CLASP1: variants seen among roughly 807,000 people sequenced by gnomAD.
CLASP1 encodes the protein CLIP-associating protein 1.
Under a neutral mutation model 192.3 loss-of-function variants are expected in CLASP1, and 38 were observed. The ratio of observed to expected loss-of-function variants is 0.20; its 90% CI spans 0.15 to 0.26. The LOEUF is 0.26. Ranked by LOEUF, CLASP1 falls within the 10% of genes least tolerant of loss-of-function variation. The pLI is 1.00. For missense variants in CLASP1, 1,433 were observed against 1,932.5 expected (o/e 0.74, Z 4.85); for synonymous variants, 691 against 712.8 (o/e 0.97, Z 0.49).
At chr2:121,549,479 C>T (rs956547551) in intron 2 of CLASP1, among the ~76,000 whole-genome samples, 3 of 152,012 alleles carry the variant, frequency 2.0e-5, no homozygotes, top group Non-Finnish European at 4.4e-5. Flanking sequence ...TACACTCCCA[C>T]AAAATAATAC....
At chr2:121,352,353 A>T (rs2064625853) in intron 37 of CLASP1, among the ~76,000 whole-genome samples, 1 of 152,168 alleles carries the variant, frequency 6.6e-6, no homozygotes, top group Non-Finnish European at 1.5e-5. Context: ...GCATGCCACC[A>T]ATGTACAGGA....
chr2:121,516,237 T>C (rs770673669), intron 6 of CLASP1, among the ~76,000 whole-genome samples: 9 of 152,120 alleles, frequency 5.9e-5, no homozygotes, highest in Non-Finnish European at 1.3e-4. Context: ...AAGAAGGAGA[T>C]TTTTAAAAAG....
chr2:121,596,451 G>A (rs2063153438), intron 2 of CLASP1, among the ~76,000 whole-genome samples: 1 of 152,172 alleles, frequency 6.6e-6, no homozygotes, highest in African/African-American at 2.4e-5. Flanking sequence ...CTCCTCTCAA[G>A]GACACAAGCG....
At chr2:121,342,275 C>T (rs2062875317) in intron 39 of CLASP1, among the ~76,000 whole-genome samples, 2 of 152,088 alleles carry the variant, frequency 1.3e-5, no homozygotes, top group South Asian at 4.1e-4. Context: ...GTGCACACCA[C>T]CATGCCCAGC....
intron 8 of CLASP1, among the ~76,000 whole-genome samples, chr2:121,498,201 C>CTTGTTTTTTTTTTTTTT (rs2093610505): frequency 8.4e-6 from 1 of 119,128 alleles, no homozygotes; most frequent in Non-Finnish European, 1.7e-5. Context: ...GTAATAGTTT[C>CTTGTTTTTTTTTTTTTT]TTTTTTTTTT....
At chr2:121,524,020 C>T (rs1486557464) in intron 6 of CLASP1, among the ~76,000 whole-genome samples, 1 of 152,214 alleles carries the variant, frequency 6.6e-6, no homozygotes, top group Non-Finnish European at 1.5e-5. Context: ...TGTTGTAGTT[C>T]TGGCTAGTGT....
chr2:121,554,020 C>A (rs1029973608), intron 2 of CLASP1, among the ~76,000 whole-genome samples: 1 of 151,402 alleles, frequency 6.6e-6, no homozygotes, highest in Non-Finnish European at 1.5e-5. Flanking sequence ...TCAAGATTAG[C>A]CTAGGCAACA....
At chr2:121,359,808 A>G (rs1423588253) in intron 37 of CLASP1, among the ~76,000 whole-genome samples, 1 of 152,210 alleles carries the variant, frequency 6.6e-6, no homozygotes, top group African/African-American at 2.4e-5. Flanking sequence ...TGGTGTCCAA[A>G]TCCTTCATCT....
exon 20 of CLASP1, chr2:121,430,099 C>T (rs771121083): frequency 9.5e-6 from 15 of 1,572,018 alleles, no homozygotes; most frequent in African/African-American, 1.4e-5. Flanking sequence ...CACTTTAGCG[C>T]GACTGCGGCC....
chr2:121,339,358 T>C (rs1352247889), exon 40 of CLASP1: 5 of 152,226 alleles, frequency 3.3e-5, no homozygotes, highest in Admixed American at 1.3e-4. Context: ...GTCCTAGCAG[T>C]TGCAGTGGGC....
chr2:121,475,844 T>C (rs1159866872), intron 8 of CLASP1, among the ~76,000 whole-genome samples: 1 of 152,208 alleles, frequency 6.6e-6, no homozygotes, highest in East Asian at 1.9e-4. Context: ...GGAGGGCCAC[T>C]TCTCTCATCT....
chr2:121,345,536 G>A (rs1343383325), intron 39 of CLASP1, among the ~76,000 whole-genome samples: 1 of 152,146 alleles, frequency 6.6e-6, no homozygotes. Flanking sequence ...GGTCCTCCTG[G>A]TCAGCAGGAA....
At chr2:121,469,986 G>C (rs777361973) in intron 8 of CLASP1, 26 bp from the exon 9 acceptor site, 1 of 1,580,024 alleles carries the variant, frequency 6.3e-7, no homozygotes, top group African/African-American at 1.4e-5. Flanking sequence ...AGAAACCAAC[G>C]TTTTTTTAAA....
At chr2:121,529,706 C>T (rs900212769) in intron 3 of CLASP1, among the ~76,000 whole-genome samples, 2 of 152,144 alleles carry the variant, frequency 1.3e-5, no homozygotes, top group African/African-American at 4.8e-5. Context: ...TGAACATTTA[C>T]TATACATTTG....
chr2:121,417,556 C>G (rs1373119311), intron 23 of CLASP1, among the ~76,000 whole-genome samples: 1 of 152,158 alleles, frequency 6.6e-6, no homozygotes, highest in African/African-American at 2.4e-5. Flanking sequence ...AGGTGCCCCA[C>G]TCAAGGGCTC....
chr2:121,376,637 T>G (rs1298293623), intron 34 of CLASP1, among the ~76,000 whole-genome samples: 1 of 152,150 alleles, frequency 6.6e-6, no homozygotes, highest in Non-Finnish European at 1.5e-5. Context: ...CCCCAGACCA[T>G]AGACTGGTAT....
intron 29 of CLASP1, 71 bp downstream of exon 30, chr2:121,398,251 T>C (rs1029543553): frequency 1.8e-6 from 2 of 1,115,978 alleles, no homozygotes; most frequent in African/African-American, 1.6e-5. Flanking sequence ...ACATGGGTCA[T>C]ACATAAACAA....
At chr2:121,340,942 C>G in exon 40 of CLASP1, 1 of 1,599,724 alleles carries the variant, frequency 6.3e-7, no homozygotes, top group Non-Finnish European at 8.5e-7. Flanking sequence ...AGTTTAGTAG[C>G]TTCATCTGAA....
At chr2:121,643,426 C>A (rs545813082) in intron 1 of CLASP1, among the ~76,000 whole-genome samples, 1 of 152,178 alleles carries the variant, frequency 6.6e-6, no homozygotes, top group South Asian at 2.1e-4. Flanking sequence ...AGACAGAAGG[C>A]CCAGTTCTCA....
Sources: allele counts gnomAD v4.1 joint callset (sites outside exome capture counted in the v4.1 genomes callset), GRCh38; gene constraint gnomAD v4.1.1; transcripts MANE v1.5; gene names NCBI Gene and HGNC (gene_info 2026-07-23, HGNC 2026-07-21).